TGFBR3: variants seen among roughly 807,000 people sequenced by gnomAD.
TGFBR3 encodes the protein transforming growth factor beta receptor 3.
TGFBR3 carries 46 observed loss-of-function variants against 87.9 expected under a neutral mutation model. The observed-to-expected ratio is 0.52, with a 90% confidence interval of 0.41 to 0.67. TGFBR3 has a LOEUF of 0.67. Ranked by LOEUF, TGFBR3 falls within the 30% of genes least tolerant of loss-of-function variation. TGFBR3 has a pLI of 0.00. For synonymous variants in TGFBR3, 381 were observed against 391.6 expected, an observed-to-expected ratio of 0.97 and a Z score of 0.32; for missense variants, 866 against 1,041.9, an observed-to-expected ratio of 0.83 and a Z score of 2.32.
intron 10 of TGFBR3, among the ~76,000 whole-genome samples, chr1:91,718,107 G>T (rs896141238): frequency 3.3e-5 from 5 of 152,092 alleles, no homozygotes; most frequent in African/African-American, 9.7e-5. Context: ...GCCTAGCCTG[G>T]TGTCTAGGAA....
At position 91,708,798 on chromosome 1, in the gene TGFBR3, A is replaced by C; in HGVS notation, c.2167-15T>G. 6.2e-7 allele frequency: 1 copy of C among 1,613,496 alleles called. No homozygotes were observed. The highest frequency in any genetic ancestry group is 8.5e-7 in the Non-Finnish European group (1 of 1,179,862). The stretch of plus-strand genomic sequence containing the variant: ...GGAGGCACACACTGCAGACAGGCAG[A>C]ACAAAGCACAGAATCAGGGGCCACT... On this transcript the variant is annotated splice_polypyrimidine_tract_variant and intron_variant, in intron 13 of 16. Coordinates refer to ENST00000212355, the MANE Select transcript of TGFBR3 (RefSeq NM_003243.5).
At chr1:91,693,851 A>C (rs1199507823) in intron 16 of TGFBR3, among the ~76,000 whole-genome samples, 2 of 152,212 alleles carry the variant, frequency 1.3e-5, no homozygotes, top group East Asian at 3.8e-4. Context: ...TTGAGATCTG[A>C]ACATGTCGGT....
At chr1:91,703,228 G>A (rs1671681808) in intron 14 of TGFBR3, among the ~76,000 whole-genome samples, 1 of 152,172 alleles carries the variant, frequency 6.6e-6, no homozygotes, top group Non-Finnish European at 1.5e-5. Flanking sequence ...TGGTCCTTTA[G>A]AGTATTTTTA....
chr1:91,853,940 C>A (rs1342562965), intron 2 of TGFBR3, among the ~76,000 whole-genome samples: 1 of 152,014 alleles, frequency 6.6e-6, no homozygotes, highest in Non-Finnish European at 1.5e-5. Context: ...ACCCGGGAGG[C>A]GGAGGTTGCA....
chr1:91,771,479 T>A (rs1041952536), intron 3 of TGFBR3, among the ~76,000 whole-genome samples: 1 of 152,098 alleles, frequency 6.6e-6, no homozygotes, highest in South Asian at 2.1e-4. Flanking sequence ...CCGAGGTGGA[T>A]GGATCCTGAG....
chr1:91,751,189 A>G (rs1234165738), intron 4 of TGFBR3, among the ~76,000 whole-genome samples: 1 of 152,208 alleles, frequency 6.6e-6, no homozygotes, highest in East Asian at 1.9e-4. Flanking sequence ...ACTGCCAAAG[A>G]AGGGAAAGAA....
At chr1:91,877,903 T>C (rs961489666) in intron 1 of TGFBR3, among the ~76,000 whole-genome samples, 1 of 152,164 alleles carries the variant, frequency 6.6e-6, no homozygotes, top group Non-Finnish European at 1.5e-5. Context: ...TGAATAGGAA[T>C]GTCTATTCAG....
chr1:91,710,888 T>C (rs1415082380), intron 13 of TGFBR3, among the ~76,000 whole-genome samples: 1 of 152,178 alleles, frequency 6.6e-6, no homozygotes, highest in African/African-American at 2.4e-5. Flanking sequence ...TTTAGGGTTA[T>C]ATCCCATCAT....
chr1:91,869,658 C>T (rs567794779), intron 1 of TGFBR3, among the ~76,000 whole-genome samples: 2 of 152,222 alleles, frequency 1.3e-5, no homozygotes, highest in Non-Finnish European at 2.9e-5. Flanking sequence ...AGCGAGACTC[C>T]GTCTCAAACA....
intron 2 of TGFBR3, among the ~76,000 whole-genome samples, chr1:91,828,673 C>A (rs530603395): frequency 8.6e-4 from 131 of 152,326 alleles, no homozygotes; most frequent in African/African-American, 3.1e-3. Context: ...ACAGAAGCAG[C>A]AGCTGCTCAA....
chr1:91,702,781 AGGCCT>A (rs1330163771), intron 14 of TGFBR3, among the ~76,000 whole-genome samples: 1 of 152,222 alleles, frequency 6.6e-6, no homozygotes, highest in East Asian at 1.9e-4. Context: ...GCGGTGGCTC[AGGCCT>A]GTAATCCCAG....
In TGFBR3 at chr1:91,797,407, C is replaced by A. The variant is rs774747669; in HGVS notation, c.126G>T (p.Leu42Phe). Residue 42 changes from leucine (L) to phenylalanine (F), a missense_variant, in exon 3 of 17, where the codon TTG becomes TTT. Coordinates refer to ENST00000212355, the MANE Select transcript of TGFBR3 (RefSeq NM_003243.5). ...PVSASHPVQALMESFTVLSGC... is the reference protein window; with the variant it reads ...PVSASHPVQAFMESFTVLSGC... ...CTGACAAAACAGTGAAGCTCTCCAT[C>A]AAGGCCTGGACAGGATGGGAGGCAC... is the stretch of plus-strand genomic sequence containing the variant. 4.3e-6 allele frequency: 7 copies of A among 1,614,220 alleles called. No individual in the cohort carries two copies. The highest frequency in any genetic ancestry group is 5.9e-6 in the Non-Finnish European group (7 of 1,180,032).
intron 2 of TGFBR3, among the ~76,000 whole-genome samples, chr1:91,898,801 G>C (rs1679615308): frequency 6.6e-6 from 1 of 152,150 alleles, no homozygotes; most frequent in Non-Finnish European, 1.5e-5. Context: ...TTACAGCCGG[G>C]CATCGTGGCT....
At chr1:91,856,857 G>C (rs781196103) in intron 2 of TGFBR3, among the ~76,000 whole-genome samples, 1 of 152,174 alleles carries the variant, frequency 6.6e-6, no homozygotes, top group Non-Finnish European at 1.5e-5. Flanking sequence ...CCCACACACA[G>C]GGTCTCCTCC....
In TGFBR3 at chr1:91,893,905, T is replaced by A. The variant is rs551842575; in HGVS notation, c.-114+5732A>T. On this transcript the variant is annotated intron_variant, in intron 2 of 17. Coordinates refer to the TGFBR3 transcript ENST00000370399. ...AACATTTGAGAAAAATAATATAAAA[T>A]TTTTAATTAAAACTTCCTTAAAAAA... is the stretch of plus-strand genomic sequence containing the variant. 6.8e-5 allele frequency among the ~76,000 whole-genome samples: 10 copies of A among 147,532 alleles called. No homozygotes were observed. In the South Asian group the frequency reaches 1.5e-3, roughly 22 times the overall value.
At chr1:91,841,061 T>A (rs939086826) in intron 2 of TGFBR3, among the ~76,000 whole-genome samples, 1 of 152,192 alleles carries the variant, frequency 6.6e-6, no homozygotes, top group Non-Finnish European at 1.5e-5. Context: ...TCGGCCCACC[T>A]TGGCCTCCCA....
At position 91,682,814 on chromosome 1, in the gene TGFBR3, A is replaced by C. The variant is rs755664359; in HGVS notation, c.*925T>G. 1 of 454,026 alleles carries C rather than the reference A, an allele frequency of 2.2e-6. No homozygotes were observed. The highest frequency in any genetic ancestry group is 4.4e-6 in the Non-Finnish European group (1 of 226,690). The allele number at this position is 454,026 out of a possible 1,614,324, so 28.1% of individuals were successfully genotyped here. On this transcript the variant is annotated 3_prime_UTR_variant, in exon 17 of 17. Coordinates refer to ENST00000212355, the MANE Select transcript of TGFBR3 (RefSeq NM_003243.5). ...TTTCTCTTCTTCAACTGAGAAAATG[A>C]ATGTGCCAGGTGACATATTATATAC... is the stretch of plus-strand genomic sequence containing the variant.
intron 2 of TGFBR3, among the ~76,000 whole-genome samples, chr1:91,830,810 G>A (rs1676834056): frequency 6.6e-6 from 1 of 152,110 alleles, no homozygotes; most frequent in Non-Finnish European, 1.5e-5. Context: ...GTCAGAGCTT[G>A]GTGCAAAAGG....
upstream of TGFBR3, among the ~76,000 whole-genome samples, chr1:91,886,561 G>T (rs548789313): frequency 6.6e-6 from 1 of 152,306 alleles, no homozygotes; most frequent in South Asian, 2.1e-4. Context: ...CTCCCTGGAA[G>T]AGTTGGATTT....
Sources: gnomAD v4.1 joint callset for allele counts (sites outside exome capture counted in the v4.1 genomes callset) on GRCh38, gnomAD v4.1.1 for gene constraint, MANE v1.5 for transcripts, NCBI Gene and HGNC (gene_info 2026-07-23, HGNC 2026-07-21) for gene names.